Variants in SLCO4C1 observed in about 807,000 individuals in gnomAD.
SLCO4C1 encodes solute carrier organic anion transporter family member 4C1.
In SLCO4C1, 58 loss-of-function variants were observed where a neutral mutation model predicts 72.1. The ratio of observed to expected loss-of-function variants is 0.80; its 90% CI spans 0.65 to 1.00. SLCO4C1 has a LOEUF of 1.00. Ranked by LOEUF, SLCO4C1 falls within the 50% of genes least tolerant of loss-of-function variation. SLCO4C1 has a pLI of 0.00. For missense variants in SLCO4C1, 898 were observed against 857.9 expected, an observed-to-expected ratio of 1.05 and a Z score of -0.58; for synonymous variants, 297 against 312.5, an observed-to-expected ratio of 0.95 and a Z score of 0.52.
At chr5:102,250,386 A>G (rs1384122686) in intron 8 of SLCO4C1, among the ~76,000 whole-genome samples, 1 of 152,048 alleles carries the variant, frequency 6.6e-6, no homozygotes, top group Non-Finnish European at 1.5e-5. Context: ...CCCTAATATA[A>G]AGGGTTACAC....
At chr5:102,257,599 C>G (rs1171074330) in intron 7 of SLCO4C1, among the ~76,000 whole-genome samples, 1 of 146,188 alleles carries the variant, frequency 6.8e-6, no homozygotes, top group Non-Finnish European at 1.5e-5. Context: ...AAATTTTTAC[C>G]AAAATTAAGT....
chr5:102,270,576 AAAT>A (rs780738127), intron 3 of SLCO4C1, 45 bp downstream of exon 3: 1 of 1,463,050 alleles, frequency 6.8e-7, no homozygotes, highest in Admixed American at 2.3e-5. Flanking sequence ...TAAAGTGAAC[AAAT>A]AATAAGATAA....
chr5:102,253,917 G>T (rs1748787222), intron 8 of SLCO4C1, among the ~76,000 whole-genome samples: 1 of 151,504 alleles, frequency 6.6e-6, no homozygotes, highest in African/African-American at 2.4e-5. Flanking sequence ...TAACAAATCT[G>T]CACATGTACC....
At chr5:102,280,090 C>CAAA (rs36217271) in intron 2 of SLCO4C1, among the ~76,000 whole-genome samples, 8 of 68,832 alleles carry the variant, frequency 1.2e-4, no homozygotes, top group Admixed American at 2.0e-4. Context: ...TGCAATAAGG[C>CAAA]AAAAAAAAAA....
chr5:102,268,555 C>A (rs932426816), intron 3 of SLCO4C1, among the ~76,000 whole-genome samples: 3 of 152,084 alleles, frequency 2.0e-5, no homozygotes, highest in African/African-American at 7.2e-5. Context: ...ATCCATTCAG[C>A]CTATCTATAT....
intron 3 of SLCO4C1, among the ~76,000 whole-genome samples, chr5:102,264,112 T>A (rs1236161770): frequency 6.6e-6 from 1 of 152,110 alleles, no homozygotes; most frequent in Admixed American, 6.6e-5. Context: ...TACAATATCA[T>A]GAAGAAAACA....
At chr5:102,249,937 A>G (rs1220124914) in intron 8 of SLCO4C1, 149 bp from the exon 9 acceptor site, 6 of 770,238 alleles carry the variant, frequency 7.8e-6, no homozygotes, top group African/African-American at 1.8e-5. Context: ...CTTTGCACAT[A>G]AAGTTTAACT....
intron 11 of SLCO4C1, among the ~76,000 whole-genome samples, chr5:102,240,446 G>A (rs1007527527): frequency 1.3e-5 from 2 of 152,026 alleles, no homozygotes; most frequent in Admixed American, 6.6e-5. Flanking sequence ...ATTATGTGTT[G>A]ATGATCATAT....
chr5:102,266,638 G>A (rs552233502), intron 3 of SLCO4C1, among the ~76,000 whole-genome samples: 9 of 151,480 alleles, frequency 5.9e-5, no homozygotes, highest in African/African-American at 2.2e-4. Flanking sequence ...TGACAAGAGC[G>A]AGATTCCATC....
At chr5:102,258,956 A>C (rs1376584949) in intron 6 of SLCO4C1, among the ~76,000 whole-genome samples, 1 of 152,096 alleles carries the variant, frequency 6.6e-6, no homozygotes, top group African/African-American at 2.4e-5. Flanking sequence ...GAATTAATGA[A>C]AAAAGACATA....
At chr5:102,259,328 T>C (rs1382704143) in intron 6 of SLCO4C1, among the ~76,000 whole-genome samples, 1 of 151,966 alleles carries the variant, frequency 6.6e-6, no homozygotes, top group Non-Finnish European at 1.5e-5. Context: ...CTCTATATGG[T>C]AATGTAAATT....
Position 102,236,865 on chromosome 5 carries a change from T to G in SLCO4C1, c.2168A>C (p.Glu723Ala), listed in dbSNP as rs377123604. 31 of 1,611,340 alleles carry G rather than the reference T, an allele frequency of 1.9e-5. No individual in the cohort carries two copies. The highest frequency in any genetic ancestry group is 2.4e-5 in the Non-Finnish European group (28 of 1,179,388). Residue 723 changes from glutamate to alanine, a missense_variant, in exon 13 of 13, where the codon GAA becomes GCA. Glu to Ala is a moderately radical substitution (Grantham distance 107). Coordinates refer to ENST00000310954, the MANE Select transcript of SLCO4C1 (RefSeq NM_180991.5). ...AEQDLNKIVK[E>A]G is the part of the protein sequence containing the mutation. Reference sequence around the variant, plus strand: ...GTCTTCTCTTTTCCCATTTCACCCTTCTTTTACTATTTTGTTGAGATCCTG... The same window carrying G: ...GTCTTCTCTTTTCCCATTTCACCCTGCTTTTACTATTTTGTTGAGATCCTG...
At chr5:102,243,227 C>T (rs1748578591) in intron 10 of SLCO4C1, among the ~76,000 whole-genome samples, 1 of 152,166 alleles carries the variant, frequency 6.6e-6, no homozygotes, top group African/African-American at 2.4e-5. Flanking sequence ...ACTCTAGTCC[C>T]TGACTTCTGG....
intron 8 of SLCO4C1, among the ~76,000 whole-genome samples, chr5:102,253,687 C>G (rs1367303976): frequency 1.3e-5 from 2 of 151,952 alleles, no homozygotes. Context: ...CGCCTATAAT[C>G]CCAGCTACTC....
chr5:102,251,956 T>A (rs1021079052), intron 8 of SLCO4C1, among the ~76,000 whole-genome samples: 1 of 149,086 alleles, frequency 6.7e-6, no homozygotes, highest in Admixed American at 6.7e-5. Context: ...AAATGACAGA[T>A]TGAGGGAGAG....
chr5:102,266,094 T>G (rs1292949838), intron 3 of SLCO4C1, among the ~76,000 whole-genome samples: 1 of 152,190 alleles, frequency 6.6e-6, no homozygotes, highest in Non-Finnish European at 1.5e-5. Flanking sequence ...TCTTGATATA[T>G]TTTTCAACTA....
At chr5:102,271,214 A>T (rs1265532514) in intron 2 of SLCO4C1, among the ~76,000 whole-genome samples, 1 of 151,996 alleles carries the variant, frequency 6.6e-6, no homozygotes, top group Non-Finnish European at 1.5e-5. Flanking sequence ...TGATATTAGC[A>T]CTTAAAGCTA....
chr5:102,251,057 T>G (rs555826911), intron 8 of SLCO4C1, among the ~76,000 whole-genome samples: 2 of 152,086 alleles, frequency 1.3e-5, no homozygotes, highest in South Asian at 4.2e-4. Context: ...GGAAACGTAC[T>G]TCAGAAAAAG....
intron 3 of SLCO4C1, among the ~76,000 whole-genome samples, chr5:102,266,833 A>G (rs1254226348): frequency 6.6e-6 from 1 of 152,114 alleles, no homozygotes; most frequent in Non-Finnish European, 1.5e-5. Context: ...AGTTTTTATC[A>G]TGAAGGGATA....
Sources: allele counts gnomAD v4.1 joint callset (sites outside exome capture counted in the v4.1 genomes callset), GRCh38; gene constraint gnomAD v4.1.1; transcripts MANE v1.5; gene names NCBI Gene and HGNC (gene_info 2026-07-23, HGNC 2026-07-21).